Variants in ANKS1B observed in about 807,000 individuals in gnomAD.
ANKS1B encodes the protein ankyrin repeat and sterile alpha motif domain-containing protein 1B.
ANKS1B carries 36 observed loss-of-function variants against 148.3 expected under a neutral mutation model. The observed-to-expected ratio is 0.24, with a 90% confidence interval of 0.19 to 0.32. The LOEUF (loss-of-function observed/expected upper bound fraction) is 0.32, where lower values mean the gene tolerates loss of function less well. ANKS1B is among the 10% of genes least tolerant of loss of function. ANKS1B has a pLI of 1.00. For synonymous variants in ANKS1B, 542 were observed against 560.8 expected (o/e 0.97, Z 0.47); for missense variants, 1,157 against 1,542.6 (o/e 0.75, Z 4.19).
chr12:98,804,922 G>A (rs150110196), intron 20 of ANKS1B, among the ~76,000 whole-genome samples: 35 of 152,198 alleles, frequency 2.3e-4, no homozygotes, highest in African/African-American at 6.7e-4. Context: ...GACCTAAGAA[G>A]TCTTTTGCCA....
chr12:99,980,757 A>G (rs1434893117), intron 1 of ANKS1B, among the ~76,000 whole-genome samples: 1 of 152,066 alleles, frequency 6.6e-6, no homozygotes, highest in African/African-American at 2.4e-5. Flanking sequence ...AAACAAAAAT[A>G]CATGCATCTA....
intron 14 of ANKS1B, among the ~76,000 whole-genome samples, chr12:99,193,073 C>T (rs2080945753): frequency 6.6e-6 from 1 of 152,156 alleles, no homozygotes; most frequent in Admixed American, 6.5e-5. Flanking sequence ...CTTCCTACTT[C>T]TTCAGATTTG....
rs540179077 is a variant in ANKS1B, at chr12:99,850,009, A to G, written c.135-24620T>C. 4.6e-5 allele frequency among the ~76,000 whole-genome samples: 7 copies of G among 152,258 alleles called. No homozygotes were observed. In the South Asian group the frequency reaches 8.3e-4, roughly 18 times the overall value. On this transcript the variant is annotated intron_variant, in intron 1 of 26. Transcript: ENST00000683438. ...ACTAAGTCTTAATAGCTGGAATGTG[A>G]CTGTTTTAATAACAGAAAGTGAAAA...
intron 12 of ANKS1B, among the ~76,000 whole-genome samples, chr12:99,387,575 G>A (rs113939919): frequency 1.3e-5 from 2 of 150,302 alleles, no homozygotes; most frequent in African/African-American, 5.0e-5. Flanking sequence ...CGGCCTGGGC[G>A]ACAGAGTGAG....
intron 12 of ANKS1B, among the ~76,000 whole-genome samples, chr12:99,397,303 A>G (rs1050016554): frequency 7.2e-5 from 11 of 152,204 alleles, no homozygotes; most frequent in African/African-American, 2.4e-4. Flanking sequence ...ATCTAATTCT[A>G]TAGTAAGAAA....
In ANKS1B at chr12:99,968,037, T is replaced by A. The variant is rs116831913; in HGVS notation, c.134+16067A>T. ...AATTATGAGACTTCTGAGTTTGGGGTAGAAGAAGCCAAAGAATGCCTTAGA... is the reference window on the plus strand; with the variant it reads ...AATTATGAGACTTCTGAGTTTGGGGAAGAAGAAGCCAAAGAATGCCTTAGA... On this transcript the variant is annotated intron_variant, in intron 1 of 26. Coordinates refer to ENST00000683438, the MANE Select transcript of ANKS1B (RefSeq NM_001352186.2). Among the ~76,000 whole-genome samples the A allele has an allele frequency of 2.7e-3, 408 of 152,120 alleles. 1 individual carries two copies. Among genetic ancestry groups the A allele is most frequent in the African/African-American group, 9.4e-3 (392 of 41,482 alleles).
intron 9 of ANKS1B, among the ~76,000 whole-genome samples, chr12:99,509,028 C>G (rs560475793): frequency 1.3e-5 from 2 of 151,972 alleles, no homozygotes; most frequent in African/African-American, 4.8e-5. Flanking sequence ...TTATGGCCAT[C>G]TGTGATCAGT....
Position 98,879,865 on chromosome 12 carries a change from C to T in ANKS1B, c.2779-47729G>A, listed in dbSNP as rs375491610. 9.2e-5 allele frequency among the ~76,000 whole-genome samples: 14 copies of T among 152,230 alleles called. 1 individual carries two copies. The highest frequency in any genetic ancestry group is 3.1e-4 in the African/African-American group (13 of 41,552). The stretch of plus-strand genomic sequence containing the variant: ...ACACATATGATTAGAATAATTTTTT[C>T]CAACCAGAAATGACATTTGCTTTTG... On this transcript the variant is annotated intron_variant, in intron 17 of 26. Coordinates refer to ENST00000683438, the MANE Select transcript of ANKS1B (RefSeq NM_001352186.2).
Position 99,467,469 on chromosome 12 carries a change from T to C in ANKS1B, c.1439-23660A>G, listed in dbSNP as rs561346079. 5.3e-5 allele frequency among the ~76,000 whole-genome samples: 8 copies of C among 152,172 alleles called. No individual in the cohort carries two copies. The South Asian group carries it at 1.7e-3, about 32-fold the overall frequency. On this transcript the variant is annotated intron_variant, in intron 10 of 26. Coordinates refer to ENST00000683438, the MANE Select transcript of ANKS1B (RefSeq NM_001352186.2). ...TTAGGCAGGAGAAGGAAATAAAGGGTATTCGATTAGGAAAAGAGGAAGTCA... is the reference window on the plus strand; with the variant it reads ...TTAGGCAGGAGAAGGAAATAAAGGGCATTCGATTAGGAAAAGAGGAAGTCA...
At chr12:99,932,825 C>T (rs2094657717) in intron 1 of ANKS1B, among the ~76,000 whole-genome samples, 1 of 152,088 alleles carries the variant, frequency 6.6e-6, no homozygotes, top group Admixed American at 6.6e-5. Flanking sequence ...TGAGGTATTA[C>T]TCAAGAAATC....
intron 25 of ANKS1B, among the ~76,000 whole-genome samples, chr12:98,770,616 GT>G (rs201643458): frequency 2.5e-4 from 36 of 144,352 alleles, no homozygotes; most frequent in African/African-American, 2.8e-4. Context: ...GGAAGGGTTT[GT>G]TTTTTTTTTT....
chr12:99,351,591 T>C (rs573779541), intron 12 of ANKS1B, among the ~76,000 whole-genome samples: 6 of 152,210 alleles, frequency 3.9e-5, no homozygotes, highest in African/African-American at 1.4e-4. Flanking sequence ...CCTTCGGTTT[T>C]CTTCTCTATA....
intron 12 of ANKS1B, among the ~76,000 whole-genome samples, chr12:99,252,286 A>G (rs561755332): frequency 6.6e-6 from 1 of 152,334 alleles, no homozygotes; most frequent in South Asian, 2.1e-4. Context: ...ATGGCTGACG[A>G]TTGAATCAGA....
chr12:99,761,247 A>C (rs1473654337), intron 8 of ANKS1B, among the ~76,000 whole-genome samples: 2 of 151,516 alleles, frequency 1.3e-5, no homozygotes, highest in East Asian at 3.9e-4. Flanking sequence ...ACACACACAC[A>C]CACACACAAA....
At chr12:99,212,349 C>G (rs944900892) in intron 14 of ANKS1B, among the ~76,000 whole-genome samples, 1 of 107,380 alleles carries the variant, frequency 9.3e-6, no homozygotes, top group Non-Finnish European at 1.8e-5. Flanking sequence ...TGCCTTTACA[C>G]GTGTAGAGAT....
chr12:99,301,809 G>A (rs1187011853), intron 12 of ANKS1B, among the ~76,000 whole-genome samples: 3 of 152,020 alleles, frequency 2.0e-5, no homozygotes, highest in Non-Finnish European at 2.9e-5. Flanking sequence ...GTATAAAAAA[G>A]TACACAGTGT....
intron 17 of ANKS1B, among the ~76,000 whole-genome samples, chr12:98,874,047 GTC>G (rs2099680380): frequency 6.6e-6 from 1 of 152,170 alleles, no homozygotes; most frequent in Non-Finnish European, 1.5e-5. Flanking sequence ...GCCATTATCT[GTC>G]TGCCTCTTTT....
chr12:99,206,728 T>A (rs1251164855), intron 14 of ANKS1B, among the ~76,000 whole-genome samples: 4 of 152,190 alleles, frequency 2.6e-5, no homozygotes, highest in African/African-American at 7.2e-5. Flanking sequence ...CATTCTCTAA[T>A]GGGCTCCACT....
intron 1 of ANKS1B, among the ~76,000 whole-genome samples, chr12:99,964,320 T>G (rs543508416): frequency 3.3e-5 from 5 of 152,322 alleles, no homozygotes; most frequent in African/African-American, 1.2e-4. Flanking sequence ...AATGCTGACT[T>G]TGAAAGAGAT....
Sources: gnomAD v4.1 joint callset for allele counts (sites outside exome capture counted in the v4.1 genomes callset) on GRCh38, gnomAD v4.1.1 for gene constraint, MANE v1.5 for transcripts, NCBI Gene and HGNC (gene_info 2026-07-23, HGNC 2026-07-21) for gene names.